Variants in CDIN1 observed in about 807,000 individuals in gnomAD.
CDIN1 encodes the protein CDAN1-interacting nuclease 1.
Under a neutral mutation model 45.3 loss-of-function variants are expected in CDIN1, and 33 were observed. That is an observed-to-expected ratio of 0.73 (90% confidence interval 0.55 to 0.97). The LOEUF is 0.97. Among genes scored for constraint, CDIN1 ranks in the 50% least tolerant of loss-of-function variants. The probability of loss-of-function intolerance (pLI) is 0.00; values close to 1 mark genes in which losing one functional copy is unlikely to be tolerated. For synonymous variants in CDIN1, 118 were observed against 124.4 expected, an observed-to-expected ratio of 0.95 and a Z score of 0.34; for missense variants, 303 against 339.4, an observed-to-expected ratio of 0.89 and a Z score of 0.84.
intron 4 of CDIN1, among the ~76,000 whole-genome samples, chr15:36,657,088 T>A (rs936305397): frequency 3.9e-5 from 6 of 152,180 alleles, no homozygotes; most frequent in Non-Finnish European, 8.8e-5. Context: ...ATACATTTTT[T>A]ATTAATTAAA....
At chr15:36,791,487 A>T (rs767010290) in intron 10 of CDIN1, among the ~76,000 whole-genome samples, 6 of 152,214 alleles carry the variant, frequency 3.9e-5, no homozygotes, top group Non-Finnish European at 7.3e-5. Flanking sequence ...ACTCCTTAGA[A>T]TCATAAATCT....
At chr15:36,725,294 T>G (rs1328636726) in intron 10 of CDIN1, among the ~76,000 whole-genome samples, 1 of 149,972 alleles carries the variant, frequency 6.7e-6, no homozygotes, top group Non-Finnish European at 1.5e-5. Flanking sequence ...TATAAATGAT[T>G]GCTTTTTACA....
At chr15:36,777,119 G>A (rs2054239348) in intron 10 of CDIN1, among the ~76,000 whole-genome samples, 1 of 152,022 alleles carries the variant, frequency 6.6e-6, no homozygotes, top group East Asian at 1.9e-4. Flanking sequence ...GGTTGTTGAT[G>A]GGCACATTTT....
intron 5 of CDIN1, among the ~76,000 whole-genome samples, chr15:36,659,353 T>C (rs915178781): frequency 6.6e-6 from 1 of 152,300 alleles, no homozygotes; most frequent in South Asian, 2.1e-4. Context: ...AATTTTGATG[T>C]GTACTGTATA....
intron 3 of CDIN1, among the ~76,000 whole-genome samples, chr15:36,647,023 C>CTTTTT (rs11433757): frequency 7.4e-5 from 9 of 122,276 alleles, no homozygotes; most frequent in African/African-American, 9.5e-5. Flanking sequence ...AAATAAATAT[C>CTTTTT]TTTTTTTTTT....
At chr15:36,591,395 T>C (rs567712952) in intron 1 of CDIN1, among the ~76,000 whole-genome samples, 89 of 152,322 alleles carry the variant, frequency 5.8e-4, no homozygotes, top group African/African-American at 2.1e-3. Context: ...AGATGGTAAA[T>C]GGACTGGGAA....
At chr15:36,707,394 GGATCCC>G (rs1205688450) in intron 8 of CDIN1, 3 of 152,118 alleles carry the variant, frequency 2.0e-5, no homozygotes, top group Non-Finnish European at 4.4e-5. Flanking sequence ...AAGATGGGAA[GGATCCC>G]CAGCCACACT....
chr15:36,634,865 T>G (rs1410041459), intron 1 of CDIN1, among the ~76,000 whole-genome samples: 1 of 152,220 alleles, frequency 6.6e-6, no homozygotes, highest in Non-Finnish European at 1.5e-5. Context: ...GCATTTTTGT[T>G]TTTTCCATCA....
At chr15:36,692,202 G>A (rs774034813) in intron 7 of CDIN1, 27 bp downstream of exon 7, 3 of 1,608,250 alleles carry the variant, frequency 1.9e-6, no homozygotes, top group East Asian at 2.2e-5. Context: ...AATTTTAGGT[G>A]CGCAATTGAC....
intron 1 of CDIN1, chr15:36,613,725 A>C (rs943115856): frequency 9.0e-6 from 14 of 1,563,018 alleles, no homozygotes; most frequent in Admixed American, 1.7e-5. Flanking sequence ...AAAGCTGCTG[A>C]TGAGAGTGAG....
At chr15:36,722,773 T>C (rs1467177001) in intron 10 of CDIN1, among the ~76,000 whole-genome samples, 1 of 152,188 alleles carries the variant, frequency 6.6e-6, no homozygotes, top group Non-Finnish European at 1.5e-5. Context: ...AAATGAGTCA[T>C]GAATGCAATT....
chr15:36,734,978 A>T (rs890699347), intron 10 of CDIN1, among the ~76,000 whole-genome samples: 6 of 152,190 alleles, frequency 3.9e-5, no homozygotes, highest in Non-Finnish European at 7.4e-5. Context: ...TAGCTCACAC[A>T]GGGATGTAGC....
At chr15:36,686,184 G>T (rs2042035627) in intron 5 of CDIN1, among the ~76,000 whole-genome samples, 1 of 151,954 alleles carries the variant, frequency 6.6e-6, no homozygotes, top group African/African-American at 2.4e-5. Context: ...TGATAGACTG[G>T]ATTAAGAAAA....
chr15:36,801,621 G>T (rs1271015238), intron 10 of CDIN1, among the ~76,000 whole-genome samples: 1 of 152,086 alleles, frequency 6.6e-6, no homozygotes, highest in Non-Finnish European at 1.5e-5. Context: ...AACAAGCTGT[G>T]GCAGTGTTCT....
intron 8 of CDIN1, among the ~76,000 whole-genome samples, chr15:36,702,643 A>G (rs2042685312): frequency 1.3e-5 from 2 of 152,130 alleles, no homozygotes; most frequent in Non-Finnish European, 2.9e-5. Flanking sequence ...TTATATACAC[A>G]AAAAAGGAGA....
intron 1 of CDIN1, among the ~76,000 whole-genome samples, chr15:36,631,496 T>G (rs1476719123): frequency 1.3e-5 from 2 of 152,232 alleles, no homozygotes; most frequent in Non-Finnish European, 2.9e-5. Flanking sequence ...TTCATACAAA[T>G]AGAATCGTAC....
chr15:36,700,467 C>T (rs2042590547), intron 8 of CDIN1, among the ~76,000 whole-genome samples: 1 of 152,128 alleles, frequency 6.6e-6, no homozygotes, highest in Non-Finnish European at 1.5e-5. Flanking sequence ...TTATACTCAA[C>T]ATCAATCACT....
intron 10 of CDIN1, among the ~76,000 whole-genome samples, chr15:36,784,805 T>C (rs967600103): frequency 1.3e-5 from 2 of 152,190 alleles, no homozygotes; most frequent in African/African-American, 4.8e-5. Flanking sequence ...TGCTACTTTT[T>C]CCTTCAGTAC....
chr15:36,668,868 A>AT (rs2041345931), intron 5 of CDIN1: 1 of 152,038 alleles, frequency 6.6e-6, no homozygotes, highest in African/African-American at 2.4e-5. Context: ...AGTTAAACAG[A>AT]TTAAAGATGA....
Sources: gnomAD v4.1 joint callset for allele counts (sites outside exome capture counted in the v4.1 genomes callset) on GRCh38, gnomAD v4.1.1 for gene constraint, MANE v1.5 for transcripts, NCBI Gene and HGNC (gene_info 2026-07-23, HGNC 2026-07-21) for gene names.